SPRR2B: variants seen among roughly 807,000 people sequenced by gnomAD.
SPRR2B encodes the protein small proline-rich protein 2B.
A neutral mutation model predicts 1.0 loss-of-function variants in SPRR2B; 1 was observed. The ratio of observed to expected loss-of-function variants is 1.01; its 90% CI spans 0.36 to 4.77. SPRR2B has a LOEUF of 4.77. Among genes scored for constraint, SPRR2B ranks in the 30% most tolerant of loss-of-function variants. The pLI is 0.16. For missense variants in SPRR2B, 53 were observed against 88.7 expected, an observed-to-expected ratio of 0.60 and a Z score of 1.62; for synonymous variants, 27 against 33.4, an observed-to-expected ratio of 0.81 and a Z score of 0.66.
At chr1:153,073,226 AAC>A (rs1278774961), upstream of SPRR2B, among the ~76,000 whole-genome samples, 1 of 152,208 alleles carries the variant, frequency 6.6e-6, no homozygotes, top group Non-Finnish European at 1.5e-5. Context: ...GGTGTTTACA[AAC>A]AGTGTTCTCA....
Position 153,070,582 on chromosome 1 carries a change from A to G in SPRR2B, c.*39T>C, listed in dbSNP as rs763287872. The G allele has an allele frequency of 2.5e-6, 4 of 1,596,278 alleles. No homozygotes were observed. The highest frequency in any genetic ancestry group is 2.7e-5 in the African/African-American group (2 of 74,760). ...AGCTGTGGAACGAGGTGAGCCAATT[A>G]TCCTTATCCTCTCATGCTCCTGATG... On this transcript the variant is annotated 3_prime_UTR_variant, in exon 2 of 2. Transcript: ENST00000368755.
chr1:153,071,652 C>T (rs948081223), upstream of SPRR2B, among the ~76,000 whole-genome samples: 5 of 152,104 alleles, frequency 3.3e-5, no homozygotes, highest in Non-Finnish European at 7.4e-5. Flanking sequence ...GGCCAGCTAC[C>T]CCACCCAGCA....
intron 1 of SPRR2B, among the ~76,000 whole-genome samples, chr1:153,071,287 C>G (rs1232037728): frequency 6.6e-6 from 1 of 151,740 alleles, no homozygotes; most frequent in Non-Finnish European, 1.5e-5. Context: ...AGACACAAAC[C>G]TTTGAAAAGG....
Position 153,070,268 on chromosome 1 carries a change from C to T in SPRR2B, c.*353G>A, listed in dbSNP as rs914161151. The T allele has an allele frequency of 4.5e-6, 2 of 448,942 alleles. No individual in the cohort carries two copies. Among genetic ancestry groups the T allele is most frequent in the Non-Finnish European group, 7.8e-6 (2 of 256,078 alleles). 27.8% of individuals were successfully genotyped at this position (448,942 alleles called of 1,614,324 possible). The stretch of plus-strand genomic sequence containing the variant: ...TATTCAGGGAGTGAAAGAAAAGTGA[C>T]AATTGCACAGGTGGTAGAAGCTCAT... On this transcript the variant is annotated 3_prime_UTR_variant, in exon 2 of 2. Transcript: ENST00000368755.
chr1:153,074,077 C>T (rs899393260), upstream of SPRR2B, among the ~76,000 whole-genome samples: 1 of 152,210 alleles, frequency 6.6e-6, no homozygotes, highest in African/African-American at 2.4e-5. Context: ...CTGCTCCCCA[C>T]TTATAGCCAC....
At chr1:153,075,338 T>C (rs1557911231), upstream of SPRR2B, among the ~76,000 whole-genome samples, 1 of 150,638 alleles carries the variant, frequency 6.6e-6, no homozygotes, top group Non-Finnish European at 1.5e-5. Context: ...CAAGACTCTA[T>C]CTCAAAAAAA....
the SPRR2B span, among the ~76,000 whole-genome samples, chr1:153,078,801 G>A: frequency 6.6e-6 from 1 of 152,162 alleles, no homozygotes; most frequent in Non-Finnish European, 1.5e-5. Context: ...CTTTGCTATT[G>A]TGAATAGTGC....
chr1:153,074,828 A>C (rs1219929571), upstream of SPRR2B, among the ~76,000 whole-genome samples: 2 of 152,234 alleles, frequency 1.3e-5, no homozygotes, highest in Non-Finnish European at 2.9e-5. Flanking sequence ...TCCATTGCTC[A>C]GTTAGTCAGA....
At position 153,070,570 on chromosome 1, in the gene SPRR2B, G is replaced by A. The variant is rs776257142; in HGVS notation, c.*51C>T. On this transcript the variant is annotated 3_prime_UTR_variant, in exon 2 of 2. Coordinates refer to ENST00000368755, the MANE Select transcript of SPRR2B (RefSeq NM_001388198.1). ...AGATGAAGGTGGAGCTGTGGAACGA[G>A]GTGAGCCAATTATCCTTATCCTCTC... The A allele has an allele frequency of 6.3e-7, 1 of 1,581,998 alleles. No homozygotes were observed.
Position 153,070,685 on chromosome 1 carries a change from T to C in SPRR2B, c.155A>G (p.Gln52Arg), listed in dbSNP as rs758414068. The change falls in exon 2 of 2, where the codon CAG becomes CGG. Residue 52 changes from glutamine (Q) to arginine (R), a missense_variant. Coordinates refer to ENST00000368755, the MANE Select transcript of SPRR2B (RefSeq NM_001388198.1). ...GGAAGGTGTCACAGGAGGATATTTC[T>C]GCTGGCACTGCTGAGGTGGGCAGGG... ...PQPCPPQQCQ[Q>R]KYPPVTPSPP... 1 of 1,611,810 alleles carries C rather than the reference T, an allele frequency of 6.2e-7. No individual in the cohort carries two copies. The highest frequency in any genetic ancestry group is 8.5e-7 in the Non-Finnish European group (1 of 1,179,718).
At chr1:153,071,514 A>G (rs1353766898) in intron 1 of SPRR2B, among the ~76,000 whole-genome samples, 55 bp downstream of exon 1, 1 of 152,202 alleles carries the variant, frequency 6.6e-6, no homozygotes, top group African/African-American at 2.4e-5. Context: ...GCTGGATTCA[A>G]ATTAAATTCA....
the SPRR2B span, among the ~76,000 whole-genome samples, chr1:153,085,918 T>C: frequency 6.6e-6 from 1 of 152,218 alleles, no homozygotes; most frequent in African/African-American, 2.4e-5. Context: ...CAGAATTTCA[T>C]ATCTAGTCAA....
chr1:153,074,607 C>G (rs1418702321), upstream of SPRR2B, among the ~76,000 whole-genome samples: 2 of 152,066 alleles, frequency 1.3e-5, no homozygotes, highest in African/African-American at 4.8e-5. Context: ...GTACTAAAAA[C>G]ATATAAAGCA....
chr1:153,083,939 T>C, the SPRR2B span, among the ~76,000 whole-genome samples: 961 of 152,322 alleles, frequency 6.3e-3, 12 homozygotes, highest in African/African-American at 0.022. Context: ...GGGGAGCTGT[T>C]GGACCTGAAT....
chr1:153,081,602 C>T, the SPRR2B span, among the ~76,000 whole-genome samples: 1 of 152,074 alleles, frequency 6.6e-6, no homozygotes, highest in Non-Finnish European at 1.5e-5. Context: ...TGTGAAGATA[C>T]AAAAATCTCT....
chr1:153,074,550 G>T (rs971344712), upstream of SPRR2B, among the ~76,000 whole-genome samples: 1 of 152,260 alleles, frequency 6.6e-6, no homozygotes, highest in African/African-American at 2.4e-5. Flanking sequence ...AATCATTAAG[G>T]TGGATGTTTT....
the SPRR2B span, among the ~76,000 whole-genome samples, chr1:153,081,832 T>C: frequency 6.6e-6 from 1 of 150,700 alleles, no homozygotes; most frequent in Non-Finnish European, 1.5e-5. Context: ...TTTCTTTTTT[T>C]TTTTTTTTTT....
the SPRR2B span, among the ~76,000 whole-genome samples, chr1:153,087,231 G>C: frequency 1.3e-5 from 2 of 151,962 alleles, no homozygotes; most frequent in South Asian, 2.1e-4. Flanking sequence ...AGTGAGTCGA[G>C]ATCACGCTAC....
the SPRR2B span, among the ~76,000 whole-genome samples, chr1:153,081,829 T>C: frequency 7.0e-6 from 1 of 143,128 alleles, no homozygotes; most frequent in African/African-American, 2.7e-5. Context: ...TCTTTTCTTT[T>C]TTTTTTTTTT....
Sources: allele counts gnomAD v4.1 joint callset (sites outside exome capture counted in the v4.1 genomes callset), GRCh38; gene constraint gnomAD v4.1.1; transcripts MANE v1.5; gene names NCBI Gene and HGNC (gene_info 2026-07-23, HGNC 2026-07-21).